FHIT: variants seen among roughly 807,000 people sequenced by gnomAD.
The protein encoded by FHIT is bis(5'-adenosyl)-triphosphatase.
Under a neutral mutation model 17.9 loss-of-function variants are expected in FHIT, and 19 were observed. The ratio of observed to expected loss-of-function variants is 1.06; its 90% CI spans 0.74 to 1.56. FHIT has a LOEUF of 1.56. FHIT is among the 40% of genes most tolerant of loss of function. The probability of loss-of-function intolerance (pLI) is 0.00; values close to 1 mark genes in which losing one functional copy is unlikely to be tolerated. For synonymous variants in FHIT, 81 were observed against 69.7 expected (o/e 1.16, Z -0.81); for missense variants, 248 against 189.2 (o/e 1.31, Z -1.82).
At position 60,564,271 on chromosome 3, in the gene FHIT, C is replaced by T. The variant is rs149636731; in HGVS notation, c.-17-27292G>A. On this transcript the variant is annotated intron_variant, in intron 4 of 9. Coordinates refer to ENST00000492590, the MANE Select transcript of FHIT (RefSeq NM_002012.4). ...TTGAGACCTACTGCTCAGGAAAAAA[C>T]ATTCTTTTCCAAATATTACTGCTTA... Among the ~76,000 whole-genome samples, 482 of 152,252 alleles carry T rather than the reference C, an allele frequency of 3.2e-3. 3 individuals carry two copies. The highest frequency in any genetic ancestry group is 5.7e-3 in the Non-Finnish European group (387 of 68,002).
At chr3:60,355,467 CTTTA>C (rs111744079) in intron 5 of FHIT, among the ~76,000 whole-genome samples, 25 of 150,848 alleles carry the variant, frequency 1.7e-4, no homozygotes, top group African/African-American at 2.7e-4. Context: ...AAACAGATGG[CTTTA>C]TTTGAGAAAA....
intron 5 of FHIT, among the ~76,000 whole-genome samples, chr3:60,374,633 T>C (rs553529779): frequency 3.3e-5 from 5 of 150,414 alleles, no homozygotes; most frequent in African/African-American, 4.9e-5. Flanking sequence ...AGGCAAAGCA[T>C]TGACATTTAT....
intron 2 of FHIT, among the ~76,000 whole-genome samples, chr3:61,079,674 G>A (rs1193643564): frequency 1.3e-5 from 2 of 152,000 alleles, no homozygotes; most frequent in Non-Finnish European, 2.9e-5. Context: ...ACATGCGTGT[G>A]CACACACACA....
At chr3:59,752,115 C>G in intron 9 of FHIT, 106 bp downstream of exon 9, 1 of 744,906 alleles carries the variant, frequency 1.3e-6, no homozygotes, top group Non-Finnish European at 2.2e-6. Context: ...CAGCCACCAC[C>G]CAAGGATGCT....
intron 3 of FHIT, among the ~76,000 whole-genome samples, chr3:60,956,601 A>G (rs781907165): frequency 8.9e-4 from 136 of 152,274 alleles, no homozygotes; most frequent in Admixed American, 1.0e-3. Context: ...AATTAACCCA[A>G]CCAAGGTCAA....
Position 59,966,308 on chromosome 3 carries a change from T to A in FHIT, c.280-43894A>T, listed in dbSNP as rs72875201. Among the ~76,000 whole-genome samples, 439 of 152,278 alleles carry A rather than the reference T, an allele frequency of 2.9e-3. 3 individuals carry two copies. Among genetic ancestry groups the A allele is most frequent in the African/African-American group, 0.01 (420 of 41,564 alleles). ...CCCAAGTCCCACTGTAGCCAGAAAC[T>A]TTCATGTAGGGCATAACCTGTGCAA... On this transcript the variant is annotated intron_variant, in intron 7 of 9. Transcript: ENST00000492590.
At chr3:60,845,340 A>AAAC (rs1559766384) in intron 3 of FHIT, among the ~76,000 whole-genome samples, 193 of 151,846 alleles carry the variant, frequency 1.3e-3, no homozygotes, top group African/African-American at 4.1e-3. Flanking sequence ...AACAAACAAA[A>AAAC]AAAAAAACCA....
intron 2 of FHIT, among the ~76,000 whole-genome samples, chr3:61,069,300 T>G (rs1008692926): frequency 2.0e-5 from 3 of 152,126 alleles, no homozygotes; most frequent in African/African-American, 7.2e-5. Context: ...ACTTTCTAGG[T>G]TGGTGCTTCT....
At chr3:60,230,284 A>T (rs1704428661) in intron 5 of FHIT, among the ~76,000 whole-genome samples, 1 of 152,170 alleles carries the variant, frequency 6.6e-6, no homozygotes, top group Non-Finnish European at 1.5e-5. Context: ...ATAAAATCAC[A>T]TCATTCACAG....
intron 5 of FHIT, among the ~76,000 whole-genome samples, chr3:60,109,910 G>A (rs1387643671): frequency 2.0e-5 from 3 of 152,152 alleles, no homozygotes; most frequent in Non-Finnish European, 2.9e-5. Flanking sequence ...CTTTAAATAA[G>A]TTAATAATAA....
chr3:60,471,529 C>T (rs2033088591), intron 5 of FHIT, among the ~76,000 whole-genome samples: 1 of 152,166 alleles, frequency 6.6e-6, no homozygotes, highest in Non-Finnish European at 1.5e-5. Flanking sequence ...TCACTGCACT[C>T]TCCTTCCCCC....
chr3:60,424,170 G>T (rs1240252146), intron 5 of FHIT, among the ~76,000 whole-genome samples: 1 of 152,092 alleles, frequency 6.6e-6, no homozygotes, highest in Middle Eastern at 3.2e-3. Context: ...TTACTGATGA[G>T]AACGCTGAAG....
intron 8 of FHIT, among the ~76,000 whole-genome samples, chr3:59,790,490 T>TTCTCTCTCTCTCTCTTTC (rs1663242547): frequency 6.8e-6 from 1 of 147,950 alleles, no homozygotes; most frequent in Non-Finnish European, 1.5e-5. Flanking sequence ...TGTTCATTGC[T>TTCTCTCTCTCTCTCTTTC]TCTCTCTCTC....
chr3:60,005,469 A>T (rs1037655557), intron 7 of FHIT, among the ~76,000 whole-genome samples: 1 of 152,044 alleles, frequency 6.6e-6, no homozygotes, highest in Non-Finnish European at 1.5e-5. Flanking sequence ...AGGGAGGGGA[A>T]GTCAGAGATA....
At chr3:60,010,744 G>A (rs569375684) in intron 7 of FHIT, among the ~76,000 whole-genome samples, 3 of 152,274 alleles carry the variant, frequency 2.0e-5, no homozygotes, top group Non-Finnish European at 4.4e-5. Context: ...TACAGAAGCA[G>A]AGACTATCCT....
At chr3:59,904,450 A>C (rs1704490397) in intron 8 of FHIT, among the ~76,000 whole-genome samples, 1 of 152,138 alleles carries the variant, frequency 6.6e-6, no homozygotes, top group South Asian at 2.1e-4. Context: ...AAAGTATTTG[A>C]GTTGACAAAA....
chr3:60,564,911 A>G (rs2037079226), intron 4 of FHIT, among the ~76,000 whole-genome samples: 1 of 152,180 alleles, frequency 6.6e-6, no homozygotes, highest in South Asian at 2.1e-4. Context: ...AAGTTCTACT[A>G]TGAGTAAAAT....
At chr3:61,140,521 A>T (rs1252386727) in intron 2 of FHIT, among the ~76,000 whole-genome samples, 1 of 152,192 alleles carries the variant, frequency 6.6e-6, no homozygotes, top group East Asian at 1.9e-4. Context: ...CCTTGAGGGC[A>T]GGAACTATCT....
chr3:60,432,285 A>G (rs1271864599), intron 5 of FHIT, among the ~76,000 whole-genome samples: 1 of 151,964 alleles, frequency 6.6e-6, no homozygotes, highest in Non-Finnish European at 1.5e-5. Flanking sequence ...CTGGGCCTTT[A>G]TTTTTAATTC....
Sources: gnomAD v4.1 joint callset for allele counts (sites outside exome capture counted in the v4.1 genomes callset) on GRCh38, gnomAD v4.1.1 for gene constraint, MANE v1.5 for transcripts, NCBI Gene and HGNC (gene_info 2026-07-23, HGNC 2026-07-21) for gene names.